The following SAFB2 variants were observed in gnomAD, a reference collection of about 807,000 sequenced individuals.
SAFB2 encodes the protein scaffold attachment factor B2.
SAFB2 carries 32 observed loss-of-function variants against 100.6 expected under a neutral mutation model. The observed-to-expected ratio is 0.32, with a 90% CI of 0.24 to 0.43. The LOEUF (loss-of-function observed/expected upper bound fraction) is 0.43, where lower values mean the gene tolerates loss of function less well. Among genes scored for constraint, SAFB2 ranks in the 20% least tolerant of loss-of-function variants. The pLI is 1.00. For missense variants in SAFB2, 1,185 were observed against 1,163.4 expected, an observed-to-expected ratio of 1.02 and a Z score of -0.27; for synonymous variants, 500 against 439.4, an observed-to-expected ratio of 1.14 and a Z score of -1.72.
chr19:5,593,654 A>C, intron 15 of SAFB2: 1 of 446,906 alleles, frequency 2.2e-6, no homozygotes, highest in Non-Finnish European at 3.9e-6. Flanking sequence ...GCAGCCATCA[A>C]GTTTCCCAGA....
At chr19:5,605,395 G>A (rs1184422512) in intron 9 of SAFB2, among the ~76,000 whole-genome samples, 8 of 152,034 alleles carry the variant, frequency 5.3e-5, no homozygotes, top group Admixed American at 4.6e-4. Flanking sequence ...ATGAGACACC[G>A]CACCCAGCCA....
intron 18 of SAFB2, among the ~76,000 whole-genome samples, chr19:5,588,420 G>T (rs2052312895): frequency 6.6e-6 from 1 of 152,186 alleles, no homozygotes; most frequent in South Asian, 2.1e-4. Flanking sequence ...ATGAAAACAT[G>T]GCCAAAGACA....
chr19:5,620,353 T>C (rs1006533255), intron 2 of SAFB2, among the ~76,000 whole-genome samples: 2 of 152,246 alleles, frequency 1.3e-5, no homozygotes, highest in Non-Finnish European at 2.9e-5. Flanking sequence ...ATTTAGCACT[T>C]TTCCAAGAAA....
chr19:5,605,269 T>C (rs779841920), intron 9 of SAFB2, among the ~76,000 whole-genome samples: 2 of 152,086 alleles, frequency 1.3e-5, no homozygotes, highest in Admixed American at 6.6e-5. Context: ...CACGCCTGGC[T>C]AATTTTTGTG....
chr19:5,603,081 A>G (rs1479446331), intron 11 of SAFB2, among the ~76,000 whole-genome samples: 1 of 152,088 alleles, frequency 6.6e-6, no homozygotes, highest in Non-Finnish European at 1.5e-5. Flanking sequence ...CAACCTGAGC[A>G]AAAGAGCAAG....
At chr19:5,588,261 C>T (rs1010155253) in intron 18 of SAFB2, among the ~76,000 whole-genome samples, 5 of 151,902 alleles carry the variant, frequency 3.3e-5, no homozygotes, top group Non-Finnish European at 7.4e-5. Flanking sequence ...TAACACACAC[C>T]GTGGAGGGTG....
Position 5,587,585 on chromosome 19 carries a change from G to T in SAFB2, c.2705+116C>A. On this transcript the variant is annotated intron_variant, in intron 20 of 20. Coordinates refer to ENST00000252542, the MANE Select transcript of SAFB2 (RefSeq NM_014649.3). The surrounding 1 kb of genome is among the most constrained non-coding windows in gnomAD (Gnocchi z 4.9). ...TTATTTGCATAAATTGCAAAGAGCT[G>T]CTTTTTGCTTTGTTTTCATAACATC... is the stretch of plus-strand genomic sequence containing the variant. 6.9e-7 allele frequency: 1 copy of T among 1,451,622 alleles called. No individual in the cohort carries two copies. Among genetic ancestry groups the T allele is most frequent in the Non-Finnish European group, 9.2e-7 (1 of 1,091,746 alleles). The allele number at this position is 1,451,622 out of a possible 1,614,324, so 89.9% of individuals were successfully genotyped here.
At chr19:5,605,578 G>C (rs1353946181) in intron 9 of SAFB2, among the ~76,000 whole-genome samples, 1 of 152,162 alleles carries the variant, frequency 6.6e-6, no homozygotes, top group South Asian at 2.1e-4. Context: ...GGGCTACTAA[G>C]AAATGCACCC....
intron 5 of SAFB2, 144 bp from the exon 6 acceptor site, chr19:5,612,711 C>A: frequency 1.5e-6 from 1 of 658,612 alleles, no homozygotes. Context: ...GTATTCCATC[C>A]TACAATAACC....
In SAFB2 at chr19:5,592,729, G is replaced by A. The variant is rs755017455; in HGVS notation, c.2348+18C>T. The A allele has an allele frequency of 1.2e-6, 2 of 1,613,408 alleles. No homozygotes were observed. Among genetic ancestry groups the A allele is most frequent in the African/African-American group, 1.3e-5 (1 of 74,910 alleles). ...GCCCACAATGACTGTAGCTAAAGGA[G>A]GGGACAAGACCACTGACCTGTCGAT... On this transcript the variant is annotated intron_variant, in intron 16 of 20. Coordinates refer to ENST00000252542, the MANE Select transcript of SAFB2 (RefSeq NM_014649.3).
intron 11 of SAFB2, among the ~76,000 whole-genome samples, chr19:5,603,210 A>G (rs2052701700): frequency 1.3e-5 from 2 of 152,124 alleles, no homozygotes; most frequent in South Asian, 4.1e-4. Context: ...CGAGGCTGTA[A>G]TGAGCCATGA....
At chr19:5,591,722 G>A in intron 17 of SAFB2, 26 bp downstream of exon 17, 7 of 1,610,288 alleles carry the variant, frequency 4.3e-6, no homozygotes, top group Non-Finnish European at 5.9e-6. Context: ...AGTGGCCCCA[G>A]GGCTTGGCAT....
chr19:5,615,512 A>G (rs924663448), intron 4 of SAFB2, among the ~76,000 whole-genome samples: 1 of 151,684 alleles, frequency 6.6e-6, no homozygotes, highest in African/African-American at 2.4e-5. Flanking sequence ...GTTCAAGATC[A>G]ACCTGGGTAA....
At position 5,621,180 on chromosome 19, in the gene SAFB2, C is replaced by T; in HGVS notation, c.274+129G>A. ...ACCTGTTAGGTGGTGACGAGCAAAGCTAACTCTTAGTGGAGGGACACCGAG... is the reference window on the plus strand; with the variant it reads ...ACCTGTTAGGTGGTGACGAGCAAAGTTAACTCTTAGTGGAGGGACACCGAG... On this transcript the variant is annotated intron_variant, in intron 2 of 20. Transcript: ENST00000252542. 7.1e-6 allele frequency: 5 copies of T among 701,456 alleles called. No individual in the cohort carries two copies. The Admixed American group carries it at 9.3e-5, about 13-fold the overall frequency. The allele number at this position is 701,456 out of a possible 1,614,324, so 43.5% of individuals were successfully genotyped here.
At chr19:5,617,474 T>C (rs546785123) in intron 2 of SAFB2, among the ~76,000 whole-genome samples, 25 of 152,302 alleles carry the variant, frequency 1.6e-4, no homozygotes, top group Admixed American at 3.3e-4. Flanking sequence ...TACCCTTTGT[T>C]CCAGGAATTT....
rs2052707013 is a variant in SAFB2 at position 5,603,487 on chromosome 19, C to G, written c.1559+1096G>C. On this transcript the variant is annotated intron_variant, in intron 11 of 20. Transcript: ENST00000252542. Reference sequence around the variant, plus strand: ...GAAATCTACCTTCTCAAAAGAGAAGCCTACAATTGTGTTAAAAATATAAAC... The same window carrying G: ...GAAATCTACCTTCTCAAAAGAGAAGGCTACAATTGTGTTAAAAATATAAAC... Among the ~76,000 whole-genome samples the G allele has an allele frequency of 3.3e-5, 5 of 152,320 alleles. No individual in the cohort carries two copies. The South Asian group carries it at 8.3e-4, about 25-fold the overall frequency.
chr19:5,613,406 AT>A, intron 5 of SAFB2, 58 bp downstream of exon 5: 1 of 1,436,554 alleles, frequency 7.0e-7, no homozygotes, highest in Non-Finnish European at 9.8e-7. Flanking sequence ...CTCTTTCATT[AT>A]GGAAAATCAA....
In SAFB2 at chr19:5,598,671, C is replaced by T. The variant is rs544690031; in HGVS notation, c.1782+122G>A. 191 of 782,228 alleles carry T rather than the reference C, an allele frequency of 2.4e-4. 1 individual carries two copies. Among genetic ancestry groups the T allele is most frequent in the African/African-American group, 1.7e-3 (103 of 59,102 alleles). The allele number at this position is 782,228 out of a possible 1,614,324, so 48.5% of individuals were successfully genotyped here. On this transcript the variant is annotated intron_variant, in intron 13 of 20. Coordinates refer to ENST00000252542, the MANE Select transcript of SAFB2 (RefSeq NM_014649.3). ...CTGTATCCGCAATCTACACAATTAT[C>T]GCGCCTCCTACAAACTTCAATTTTA...
chr19:5,613,634 T>C (rs2052958638), intron 4 of SAFB2, 107 bp from the exon 5 acceptor site: 1 of 1,523,550 alleles, frequency 6.6e-7, no homozygotes, highest in East Asian at 2.4e-5. Flanking sequence ...CGGCACCTTT[T>C]GCCATCTGCA....
Sources: allele counts gnomAD v4.1 joint callset (sites outside exome capture counted in the v4.1 genomes callset), GRCh38; gene constraint gnomAD v4.1.1; non-coding constraint Gnocchi (gnomAD v3.1); transcripts MANE v1.5; gene names NCBI Gene and HGNC (gene_info 2026-07-23, HGNC 2026-07-21).